The following NRG1 variants were observed in gnomAD, a reference collection of about 807,000 sequenced individuals.
The protein encoded by NRG1 is pro-neuregulin-1, membrane-bound isoform.
A neutral mutation model predicts 63.8 loss-of-function variants in NRG1; 18 were observed. The observed-to-expected ratio is 0.28, with a 90% CI of 0.19 to 0.42. The LOEUF (loss-of-function observed/expected upper bound fraction) is 0.42. NRG1 is among the 10% of genes least tolerant of loss of function. NRG1 has a pLI of 1.00. For missense variants in NRG1, 762 were observed against 814.7 expected (o/e 0.94, Z 0.79); for synonymous variants, 302 against 301.3 (o/e 1.00, Z -0.02).
At chr8:32,279,011 T>A (rs1415302669) in intron 1 of NRG1, among the ~76,000 whole-genome samples, 2 of 152,234 alleles carry the variant, frequency 1.3e-5, no homozygotes, top group Non-Finnish European at 2.9e-5. Context: ...TCAGGATTTA[T>A]TATGTTGATG....
chr8:31,795,304 C>T, intron 1 of NRG1, among the ~76,000 whole-genome samples: 1 of 152,196 alleles, frequency 6.6e-6, no homozygotes, highest in African/African-American at 2.4e-5. Context: ...GACAAATAGG[C>T]CAGACTTCTA....
chr8:31,893,484 A>G (rs919619214), intron 1 of NRG1, among the ~76,000 whole-genome samples: 2 of 151,560 alleles, frequency 1.3e-5, no homozygotes, highest in African/African-American at 4.8e-5. Flanking sequence ...TTATATGTCA[A>G]AAATCATTTG....
intron 1 of NRG1, among the ~76,000 whole-genome samples, chr8:31,647,156 TC>T: frequency 6.6e-6 from 1 of 152,248 alleles, no homozygotes. Flanking sequence ...TCCTTGGATC[TC>T]TCTTCACAGG....
At chr8:32,170,003 A>G (rs1839853651) in intron 1 of NRG1, among the ~76,000 whole-genome samples, 1 of 152,206 alleles carries the variant, frequency 6.6e-6, no homozygotes. Context: ...CACAGGAAGA[A>G]CACCATGTGA....
At chr8:31,984,461 C>T (rs970169650) in intron 1 of NRG1, among the ~76,000 whole-genome samples, 55 of 152,074 alleles carry the variant, frequency 3.6e-4, no homozygotes, top group Admixed American at 2.6e-3. Flanking sequence ...GACCCTAAGA[C>T]ATTTGGAACT....
At chr8:32,406,801 A>G (rs1814052922) in intron 1 of NRG1, among the ~76,000 whole-genome samples, 1 of 152,106 alleles carries the variant, frequency 6.6e-6, no homozygotes, top group Non-Finnish European at 1.5e-5. Context: ...ATTTTTGCTT[A>G]ATAAGTATAT....
At chr8:32,056,908 G>T (rs2130870381) in intron 1 of NRG1, among the ~76,000 whole-genome samples, 1 of 152,300 alleles carries the variant, frequency 6.6e-6, no homozygotes, top group African/African-American at 2.4e-5. Flanking sequence ...AGTTGATAAA[G>T]AGATGATTTG....
At chr8:32,564,798 C>T (rs774445688) in intron 1 of NRG1, among the ~76,000 whole-genome samples, 37 of 152,078 alleles carry the variant, frequency 2.4e-4, no homozygotes, top group Admixed American at 2.4e-3. Context: ...TGGTGGCTCA[C>T]GCTTATAATC....
At chr8:32,177,878 C>T (rs1411992044) in intron 1 of NRG1, among the ~76,000 whole-genome samples, 4 of 151,836 alleles carry the variant, frequency 2.6e-5, no homozygotes, top group Non-Finnish European at 4.4e-5. Flanking sequence ...CTTGCACAGA[C>T]CGAGAAGGAA....
chr8:31,714,842 C>A (rs1031270758), intron 1 of NRG1, among the ~76,000 whole-genome samples: 3 of 152,004 alleles, frequency 2.0e-5, no homozygotes, highest in Non-Finnish European at 2.9e-5. Context: ...TTTGTGATGA[C>A]CCTTGAAGAT....
At chr8:31,854,054 G>A (rs376347032) in intron 1 of NRG1, among the ~76,000 whole-genome samples, 1 of 150,984 alleles carries the variant, frequency 6.6e-6, no homozygotes, top group Admixed American at 6.6e-5. Flanking sequence ...GTTCATCAAG[G>A]ATATTGGTCT....
At chr8:32,263,581 G>A (rs571751361) in intron 1 of NRG1, among the ~76,000 whole-genome samples, 88 of 152,178 alleles carry the variant, frequency 5.8e-4, no homozygotes, top group Middle Eastern at 3.4e-3. Flanking sequence ...GACTTTAAAC[G>A]ACTAACTATC....
At chr8:32,626,983 GCAC>G (rs1172317308) in intron 5 of NRG1, among the ~76,000 whole-genome samples, 4 of 151,812 alleles carry the variant, frequency 2.6e-5, no homozygotes, top group Non-Finnish European at 5.9e-5. Context: ...TCGCACCACT[GCAC>G]TCTGGCCTGG....
intron 1 of NRG1, among the ~76,000 whole-genome samples, chr8:32,436,892 CAT>C (rs951031619): frequency 5.2e-4 from 35 of 67,212 alleles, no homozygotes; most frequent in Non-Finnish European, 1.2e-3. Context: ...AGTATACACA[CAT>C]ACACACACAC....
At chr8:32,445,798 G>C (rs1563474990) in intron 1 of NRG1, among the ~76,000 whole-genome samples, 1 of 152,182 alleles carries the variant, frequency 6.6e-6, no homozygotes, top group South Asian at 2.1e-4. Context: ...AAGTGAGGGT[G>C]TTTCATATGG....
chr8:31,922,966 T>C (rs1466360219), intron 1 of NRG1, among the ~76,000 whole-genome samples: 2 of 152,092 alleles, frequency 1.3e-5, no homozygotes, highest in African/African-American at 4.8e-5. Context: ...TGGAACCTGA[T>C]CTTGCAGAGT....
At chr8:31,813,379 G>A (rs2131797968) in intron 1 of NRG1, among the ~76,000 whole-genome samples, 1 of 152,176 alleles carries the variant, frequency 6.6e-6, no homozygotes, top group Non-Finnish European at 1.5e-5. Flanking sequence ...GGTATCAGTT[G>A]CCTCAAGCAT....
intron 1 of NRG1, among the ~76,000 whole-genome samples, chr8:32,148,461 C>T (rs540235653): frequency 3.9e-5 from 6 of 152,274 alleles, no homozygotes; most frequent in South Asian, 2.1e-4. Flanking sequence ...TGCAGTGGCG[C>T]GATCTCGGCT....
exon 11 of NRG1, chr8:32,760,357 C>G (rs767197560): frequency 1.2e-6 from 2 of 1,613,896 alleles, no homozygotes; most frequent in Admixed American, 3.3e-5. Flanking sequence ...CTTCCTCAGG[C>G]ATGCCAGAGA....
Sources: gnomAD v4.1 joint callset for allele counts (sites outside exome capture counted in the v4.1 genomes callset) on GRCh38, gnomAD v4.1.1 for gene constraint, MANE v1.5 for transcripts, NCBI Gene and HGNC (gene_info 2026-07-23, HGNC 2026-07-21) for gene names.